TCF7L2: variants seen among roughly 807,000 people sequenced by gnomAD.
The protein encoded by TCF7L2 is transcription factor 7-like 2.
A neutral mutation model predicts 77.9 loss-of-function variants in TCF7L2; 23 were observed. The ratio of observed to expected loss-of-function variants is 0.30; its 90% CI spans 0.21 to 0.42. The LOEUF (loss-of-function observed/expected upper bound fraction) is 0.42. TCF7L2 is among the 10% of genes least tolerant of loss of function. The pLI is 1.00. For missense variants in TCF7L2, 654 were observed against 793.1 expected (o/e 0.82, Z 2.11); for synonymous variants, 413 against 340.2 (o/e 1.21, Z -2.36).
chr10:113,126,713 T>C, intron 5 of TCF7L2: 1 of 985,668 alleles, frequency 1.0e-6, no homozygotes, highest in Non-Finnish European at 1.2e-6. Flanking sequence ...GCTGCTGGTG[T>C]GTGCTGCTCC....
intron 1 of TCF7L2, 105 bp from the exon 2 acceptor site, chr10:112,951,102 T>C (rs1467337401): frequency 7.6e-7 from 1 of 1,308,014 alleles, no homozygotes; most frequent in African/African-American, 1.6e-5. Flanking sequence ...GTAACCCTGT[T>C]TTTTTCTACC....
intron 4 of TCF7L2, among the ~76,000 whole-genome samples, chr10:113,005,659 C>G (rs1315823682): frequency 3.3e-5 from 5 of 152,134 alleles, no homozygotes; most frequent in Admixed American, 2.0e-4. Flanking sequence ...CCTCCTTGTA[C>G]TTCGGGGTGA....
chr10:113,074,423 A>AC (rs2058470095), intron 5 of TCF7L2, among the ~76,000 whole-genome samples: 1 of 151,808 alleles, frequency 6.6e-6, no homozygotes, highest in Non-Finnish European at 1.5e-5. Flanking sequence ...ACATATGGGA[A>AC]CCCCTCCTTC....
chr10:113,150,873 T>C (rs2137116867), intron 8 of TCF7L2, 125 bp from the exon 9 acceptor site: 6 of 1,273,044 alleles, frequency 4.7e-6, no homozygotes, highest in Non-Finnish European at 6.4e-6. Context: ...AGGTTTCATA[T>C]GCCTTGGGTT....
At chr10:113,062,201 T>TG (rs2056567175) in intron 5 of TCF7L2, among the ~76,000 whole-genome samples, 1 of 152,150 alleles carries the variant, frequency 6.6e-6, no homozygotes, top group African/African-American at 2.4e-5. Context: ...TATCACCTCT[T>TG]CCAAGGCTAA....
chr10:113,000,562 A>G (rs1013302819), intron 4 of TCF7L2, among the ~76,000 whole-genome samples: 1 of 152,212 alleles, frequency 6.6e-6, no homozygotes, highest in East Asian at 1.9e-4. Context: ...ATAGCAAAGC[A>G]CCATAGCTAT....
chr10:113,036,471 AAC>A (rs1440688804), intron 4 of TCF7L2, among the ~76,000 whole-genome samples: 1 of 152,120 alleles, frequency 6.6e-6, no homozygotes, highest in African/African-American at 2.4e-5. Flanking sequence ...CTGGCAATTT[AAC>A]AGTCTTTTCA....
chr10:112,995,398 G>T (rs1010327836), intron 4 of TCF7L2, among the ~76,000 whole-genome samples: 3 of 152,162 alleles, frequency 2.0e-5, no homozygotes, highest in Non-Finnish European at 4.4e-5. Context: ...TTGTTTCTCT[G>T]TCTCAGCCCT....
At chr10:113,097,701 G>A (rs893462698) in intron 5 of TCF7L2, among the ~76,000 whole-genome samples, 26 of 146,608 alleles carry the variant, frequency 1.8e-4, no homozygotes, top group Non-Finnish European at 6.0e-5. Flanking sequence ...ATATGGAGGT[G>A]AGAGGGAAAG....
At chr10:113,005,909 G>A (rs2045469704) in intron 4 of TCF7L2, among the ~76,000 whole-genome samples, 1 of 152,124 alleles carries the variant, frequency 6.6e-6, no homozygotes, top group Non-Finnish European at 1.5e-5. Context: ...GTTTAAATGT[G>A]GAATGTAGGT....
intron 5 of TCF7L2, among the ~76,000 whole-genome samples, chr10:113,054,772 T>C (rs1452728976): frequency 6.6e-6 from 1 of 152,200 alleles, no homozygotes; most frequent in Admixed American, 6.5e-5. Context: ...GTATTATAAA[T>C]AATCTTAGTA....
intron 4 of TCF7L2, among the ~76,000 whole-genome samples, chr10:113,005,137 A>C (rs899030531): frequency 6.6e-6 from 1 of 152,222 alleles, no homozygotes; most frequent in African/African-American, 2.4e-5. Context: ...TCAAACAGGA[A>C]TGATGAATGC....
At chr10:113,091,252 G>A (rs556850204) in intron 5 of TCF7L2, among the ~76,000 whole-genome samples, 2 of 152,272 alleles carry the variant, frequency 1.3e-5, no homozygotes, top group South Asian at 4.1e-4. Context: ...TCATTCATAT[G>A]CACAGACCTT....
intron 5 of TCF7L2, chr10:113,129,678 C>T: frequency 5.9e-6 from 7 of 1,190,212 alleles, no homozygotes; most frequent in Non-Finnish European, 7.4e-6. Context: ...AATCTGGAGC[C>T]ATTTCGATCT....
At chr10:113,033,138 C>CT (rs1564807314) in intron 4 of TCF7L2, among the ~76,000 whole-genome samples, 1 of 151,818 alleles carries the variant, frequency 6.6e-6, no homozygotes, top group African/African-American at 2.4e-5. Flanking sequence ...AAATCTTTTT[C>CT]TTTTTTATCT....
intron 5 of TCF7L2, among the ~76,000 whole-genome samples, chr10:113,111,193 A>G (rs1393074520): frequency 6.6e-6 from 1 of 152,200 alleles, no homozygotes; most frequent in East Asian, 1.9e-4. Flanking sequence ...GTTAGAGGTT[A>G]ACTGACTTTG....
At chr10:113,010,064 A>C (rs1048629677) in intron 4 of TCF7L2, among the ~76,000 whole-genome samples, 2 of 151,572 alleles carry the variant, frequency 1.3e-5, no homozygotes, top group Non-Finnish European at 2.9e-5. Context: ...ACCTTTGGGG[A>C]TTGGAGAATG....
chr10:113,002,225 C>T (rs1254973101), intron 4 of TCF7L2, among the ~76,000 whole-genome samples: 1 of 152,152 alleles, frequency 6.6e-6, no homozygotes, highest in African/African-American at 2.4e-5. Flanking sequence ...TCAGCTGGTC[C>T]TTGAGCCTGT....
intron 5 of TCF7L2, among the ~76,000 whole-genome samples, chr10:113,107,555 A>G (rs779718782): frequency 1.3e-5 from 2 of 151,920 alleles, no homozygotes; most frequent in Middle Eastern, 6.8e-3. Flanking sequence ...CATCCTGGCT[A>G]ACACAGTGAA....
Sources: allele counts gnomAD v4.1 joint callset (sites outside exome capture counted in the v4.1 genomes callset), GRCh38; gene constraint gnomAD v4.1.1; transcripts MANE v1.5; gene names NCBI Gene and HGNC (gene_info 2026-07-23, HGNC 2026-07-21).